FOXN3: variants seen among roughly 807,000 people sequenced by gnomAD.
The protein encoded by FOXN3 is forkhead box protein N3.
FOXN3 carries 7 observed loss-of-function variants against 38.4 expected under a neutral mutation model. That is an observed-to-expected ratio of 0.18 (90% CI 0.10 to 0.34). The LOEUF (loss-of-function observed/expected upper bound fraction) is 0.34, where lower values mean the gene tolerates loss of function less well. FOXN3 is among the 10% of genes least tolerant of loss of function. The pLI, the probability that FOXN3 is intolerant of heterozygous loss-of-function variation, is 1.00. For missense variants in FOXN3, 456 were observed against 613.4 expected, an observed-to-expected ratio of 0.74 and a Z score of 2.71; for synonymous variants, 230 against 242.2, an observed-to-expected ratio of 0.95 and a Z score of 0.47.
chr14:89,432,731 ATC>A (rs1198711914), intron 1 of FOXN3, among the ~76,000 whole-genome samples: 1 of 152,218 alleles, frequency 6.6e-6, no homozygotes, highest in Non-Finnish European at 1.5e-5. Context: ...TCTGCTGGTC[ATC>A]TCTACCTCTT....
intron 4 of FOXN3, among the ~76,000 whole-genome samples, chr14:89,247,081 C>G (rs757703728): frequency 2.0e-5 from 3 of 152,064 alleles, no homozygotes; most frequent in Non-Finnish European, 4.4e-5. Flanking sequence ...CATCCACCCA[C>G]CCACCCAATA....
intron 1 of FOXN3, among the ~76,000 whole-genome samples, chr14:89,558,734 G>C (rs898433610): frequency 3.3e-5 from 5 of 152,200 alleles, no homozygotes; most frequent in African/African-American, 1.2e-4. Context: ...CCATGTTCTG[G>C]AGCTCGGACC....
At chr14:89,553,059 C>T (rs549354163) in intron 1 of FOXN3, among the ~76,000 whole-genome samples, 13 of 151,646 alleles carry the variant, frequency 8.6e-5, no homozygotes, top group South Asian at 6.2e-4. Context: ...TGCAAAATGG[C>T]GAAACCTCGT....
chr14:89,419,483 C>T, upstream of FOXN3: 1 of 294,706 alleles, frequency 3.4e-6, no homozygotes, highest in South Asian at 3.1e-5. Flanking sequence ...GCTGCATTGT[C>T]TAATGTCTTG....
intron 2 of FOXN3, among the ~76,000 whole-genome samples, chr14:89,386,604 C>G (rs1249184831): frequency 6.6e-6 from 1 of 152,210 alleles, no homozygotes; most frequent in Non-Finnish European, 1.5e-5. Flanking sequence ...TCAATGCCAG[C>G]TCAACAAATC....
chr14:89,459,498 A>T (rs898779110), intron 1 of FOXN3, among the ~76,000 whole-genome samples: 8 of 152,344 alleles, frequency 5.3e-5, no homozygotes, highest in Middle Eastern at 3.4e-3. Flanking sequence ...CAGCGAGATT[A>T]TAGGACTTGA....
chr14:89,525,233 A>T (rs147122072), intron 1 of FOXN3, among the ~76,000 whole-genome samples: 1,765 of 152,262 alleles, frequency 0.012, 40 homozygotes, highest in African/African-American at 0.04. Flanking sequence ...CAGATCATAA[A>T]GACCTTGCTA....
At chr14:89,588,009 G>A (rs1012677648) in intron 1 of FOXN3, among the ~76,000 whole-genome samples, 2 of 151,766 alleles carry the variant, frequency 1.3e-5, no homozygotes, top group African/African-American at 4.8e-5. Context: ...ATGTCAAATT[G>A]TAATCCCCAG....
chr14:89,441,012 A>G (rs1393224618), intron 1 of FOXN3, among the ~76,000 whole-genome samples: 1 of 152,150 alleles, frequency 6.6e-6, no homozygotes, highest in Non-Finnish European at 1.5e-5. Flanking sequence ...CCTCTTTAGG[A>G]GAGAGGATGG....
chr14:89,499,527 G>A (rs1217147660), intron 1 of FOXN3, among the ~76,000 whole-genome samples: 2 of 151,660 alleles, frequency 1.3e-5, no homozygotes, highest in Non-Finnish European at 2.9e-5. Context: ...CCTTCTAAGG[G>A]CCTACCCAGC....
chr14:89,329,489 G>A (rs1010326434), intron 3 of FOXN3, among the ~76,000 whole-genome samples: 3 of 152,106 alleles, frequency 2.0e-5, no homozygotes, highest in African/African-American at 7.2e-5. Context: ...GGGTGCTACT[G>A]GTACCTGGTG....
intron 1 of FOXN3, among the ~76,000 whole-genome samples, chr14:89,439,512 T>A (rs1892334348): frequency 6.6e-6 from 1 of 152,042 alleles, no homozygotes; most frequent in African/African-American, 2.4e-5. Context: ...CATGGCAACA[T>A]CAGGAAGTTA....
At chr14:89,231,694 G>A (rs987424151) in intron 4 of FOXN3, among the ~76,000 whole-genome samples, 5 of 152,086 alleles carry the variant, frequency 3.3e-5, no homozygotes, top group African/African-American at 1.2e-4. Context: ...AAAAAGGAGG[G>A]GACGCAATGG....
At chr14:89,543,912 G>C (rs1894837001) in intron 1 of FOXN3, among the ~76,000 whole-genome samples, 1 of 152,020 alleles carries the variant, frequency 6.6e-6, no homozygotes, top group African/African-American at 2.4e-5. Context: ...ATGGGGGTGG[G>C]GGGGAAGTAC....
chr14:89,289,036 G>A (rs988833045), intron 3 of FOXN3, among the ~76,000 whole-genome samples: 1 of 151,436 alleles, frequency 6.6e-6, no homozygotes, highest in African/African-American at 2.4e-5. Context: ...ACAAAAATTT[G>A]TTGGGCATGG....
At chr14:89,355,815 T>C (rs1889196447) in intron 2 of FOXN3, among the ~76,000 whole-genome samples, 1 of 152,174 alleles carries the variant, frequency 6.6e-6, no homozygotes. Context: ...CAGTAGTGTC[T>C]GGTTGTGTTT....
chr14:89,606,089 A>T (rs1896269507), intron 1 of FOXN3, among the ~76,000 whole-genome samples: 1 of 152,254 alleles, frequency 6.6e-6, no homozygotes, highest in Non-Finnish European at 1.5e-5. Context: ...TGGCACAGAG[A>T]TTAAAAATAA....
intron 2 of FOXN3, chr14:89,354,932 C>T (rs916128081): frequency 2.0e-5 from 3 of 151,720 alleles, no homozygotes; most frequent in Admixed American, 6.6e-5. Context: ...AAATAATAAG[C>T]GAAGAATATT....
chr14:89,313,795 C>T (rs554673643), intron 3 of FOXN3, among the ~76,000 whole-genome samples: 2 of 152,276 alleles, frequency 1.3e-5, no homozygotes, highest in Admixed American at 6.5e-5. Flanking sequence ...GAGAGTATTA[C>T]TCAGCCTTGA....
Sources: gnomAD v4.1 joint callset for allele counts (sites outside exome capture counted in the v4.1 genomes callset) on GRCh38, gnomAD v4.1.1 for gene constraint, MANE v1.5 for transcripts, NCBI Gene and HGNC (gene_info 2026-07-23, HGNC 2026-07-21) for gene names.